Variants in FOXP1 observed in about 807,000 individuals in gnomAD.
The protein encoded by FOXP1 is forkhead box protein P1.
In FOXP1, 15 loss-of-function variants were observed where a neutral mutation model predicts 98.2. That is an observed-to-expected ratio of 0.15 (90% CI 0.10 to 0.24). The LOEUF (loss-of-function observed/expected upper bound fraction) is 0.24. Ranked by LOEUF, FOXP1 falls within the 10% of genes least tolerant of loss-of-function variation. The pLI is 1.00. For missense variants in FOXP1, 633 were observed against 848.5 expected, an observed-to-expected ratio of 0.75 and a Z score of 3.15; for synonymous variants, 371 against 314.5, an observed-to-expected ratio of 1.18 and a Z score of -1.90.
intron 5 of FOXP1, among the ~76,000 whole-genome samples, chr3:71,250,839 G>A (rs998898941): frequency 3.3e-5 from 5 of 152,114 alleles, no homozygotes; most frequent in Non-Finnish European, 5.9e-5. Flanking sequence ...GCTGAGGCAG[G>A]AGAATCGCTT....
At chr3:71,206,642 A>G (rs917772481) in intron 5 of FOXP1, among the ~76,000 whole-genome samples, 2 of 152,234 alleles carry the variant, frequency 1.3e-5, no homozygotes, top group African/African-American at 2.4e-5. Context: ...CTGCATTCCA[A>G]TGCCAAGGCA....
chr3:70,973,232 C>A (rs1188362004), intron 17 of FOXP1, among the ~76,000 whole-genome samples: 1 of 143,244 alleles, frequency 7.0e-6, no homozygotes, highest in Non-Finnish European at 1.5e-5. Context: ...GGTGAACGGA[C>A]CCCCCGCCCC....
At chr3:71,033,593 G>A (rs1576322237) in intron 11 of FOXP1, among the ~76,000 whole-genome samples, 1 of 72,740 alleles carries the variant, frequency 1.4e-5, no homozygotes, top group Non-Finnish European at 2.7e-5. Flanking sequence ...ACCCCACAAA[G>A]TGAACAGTCA....
intron 6 of FOXP1, among the ~76,000 whole-genome samples, chr3:71,143,826 C>G (rs2060181775): frequency 6.6e-6 from 1 of 152,198 alleles, no homozygotes; most frequent in Non-Finnish European, 1.5e-5. Context: ...TTTACCACTG[C>G]TATGAATAGG....
intron 5 of FOXP1, among the ~76,000 whole-genome samples, chr3:71,217,901 A>G (rs2065063675): frequency 1.3e-5 from 2 of 152,158 alleles, no homozygotes; most frequent in African/African-American, 4.8e-5. Flanking sequence ...AGGTTCGCCA[A>G]TCATAAAATC....
At chr3:71,039,576 C>A (rs2048056595) in intron 11 of FOXP1, among the ~76,000 whole-genome samples, 1 of 152,024 alleles carries the variant, frequency 6.6e-6, no homozygotes, top group Non-Finnish European at 1.5e-5. Flanking sequence ...GCCACAAATA[C>A]CTTAAGTGCA....
intron 7 of FOXP1, among the ~76,000 whole-genome samples, chr3:71,056,929 C>T (rs1450179184): frequency 6.6e-6 from 1 of 152,136 alleles, no homozygotes; most frequent in Non-Finnish European, 1.5e-5. Flanking sequence ...GTAGCTAGTC[C>T]CTACTAACAC....
intron 6 of FOXP1, among the ~76,000 whole-genome samples, chr3:71,154,428 T>C (rs2060722578): frequency 6.6e-6 from 1 of 152,212 alleles, no homozygotes; most frequent in African/African-American, 2.4e-5. Flanking sequence ...AACCATGACA[T>C]ATTTAAGCCT....
intron 3 of FOXP1, among the ~76,000 whole-genome samples, chr3:71,388,298 A>G (rs1315064720): frequency 6.6e-6 from 1 of 152,208 alleles, no homozygotes; most frequent in Non-Finnish European, 1.5e-5. Context: ...TAAATGTTAA[A>G]CGGCCCAATT....
At chr3:71,251,452 T>G (rs188918103) in intron 5 of FOXP1, among the ~76,000 whole-genome samples, 1 of 152,336 alleles carries the variant, frequency 6.6e-6, no homozygotes, top group East Asian at 1.9e-4. Context: ...TGTAACAAAG[T>G]GACTGTAAAA....
rs140196062 is a variant in FOXP1, at chr3:71,017,649, T to C, written c.870-1996A>G. ...TTCAAGAACCTTATTTACTGATGGG[T>C]AATAGTCTATCACGTATCAACTTAA... On this transcript the variant is annotated intron_variant, in intron 11 of 20. Coordinates refer to ENST00000649528, the MANE Select transcript of FOXP1 (RefSeq NM_001349338.3). Among the ~76,000 whole-genome samples the C allele has an allele frequency of 6.3e-3, 960 of 152,274 alleles. 10 individuals are homozygous for C. The highest frequency in any genetic ancestry group is 0.02 in the African/African-American group (824 of 41,576).
chr3:71,077,393 G>A (rs1385719076), intron 7 of FOXP1, among the ~76,000 whole-genome samples: 2 of 152,200 alleles, frequency 1.3e-5, no homozygotes, highest in East Asian at 1.9e-4. Flanking sequence ...CCTAAGTGGG[G>A]AGTGGGGGAA....
intron 6 of FOXP1, among the ~76,000 whole-genome samples, chr3:71,148,916 A>G (rs2060445250): frequency 6.6e-6 from 1 of 152,218 alleles, no homozygotes; most frequent in African/African-American, 2.4e-5. Context: ...TTGCTACATG[A>G]GTTCAAAAAG....
At chr3:71,339,767 T>G (rs780100623) in intron 4 of FOXP1, among the ~76,000 whole-genome samples, 1 of 152,138 alleles carries the variant, frequency 6.6e-6, no homozygotes, top group Non-Finnish European at 1.5e-5. Flanking sequence ...GGTAGCACAT[T>G]GAAACAAAAT....
At chr3:71,492,389 T>G (rs1336561755) in intron 3 of FOXP1, among the ~76,000 whole-genome samples, 1 of 151,322 alleles carries the variant, frequency 6.6e-6, no homozygotes, top group Non-Finnish European at 1.5e-5. Context: ...GAGGCGGAGG[T>G]TGCAGTGAGC....
At chr3:71,306,554 T>C (rs949263306) in intron 4 of FOXP1, among the ~76,000 whole-genome samples, 5 of 138,702 alleles carry the variant, frequency 3.6e-5, no homozygotes, top group African/African-American at 1.1e-4. Context: ...TATAAAAATA[T>C]ATACACACAC....
intron 6 of FOXP1, among the ~76,000 whole-genome samples, chr3:71,162,761 CAT>C (rs1387429825): frequency 2.0e-5 from 3 of 152,294 alleles, no homozygotes; most frequent in Non-Finnish European, 2.9e-5. Context: ...CCTTTATCCA[CAT>C]ATGTTAATTA....
chr3:71,172,499 T>C (rs1288359434), intron 6 of FOXP1, among the ~76,000 whole-genome samples: 1 of 152,232 alleles, frequency 6.6e-6, no homozygotes, highest in Non-Finnish European at 1.5e-5. Flanking sequence ...TTTTGACCTA[T>C]AACACTTCAC....
chr3:71,285,780 A>G (rs572878950), intron 5 of FOXP1, among the ~76,000 whole-genome samples: 1 of 152,302 alleles, frequency 6.6e-6, no homozygotes, highest in South Asian at 2.1e-4. Flanking sequence ...AGAGGCTGGG[A>G]GTCACTACCA....
Sources: gnomAD v4.1 joint callset for allele counts (sites outside exome capture counted in the v4.1 genomes callset) on GRCh38, gnomAD v4.1.1 for gene constraint, MANE v1.5 for transcripts, NCBI Gene and HGNC (gene_info 2026-07-23, HGNC 2026-07-21) for gene names.